MTRR: variants seen among roughly 807,000 people sequenced by gnomAD.
MTRR encodes the protein methionine synthase reductase.
A neutral mutation model predicts 79.2 loss-of-function variants in MTRR; 63 were observed. That is an observed-to-expected ratio of 0.80 (90% CI 0.65 to 0.98). The LOEUF is 0.98. MTRR is among the 50% of genes least tolerant of loss of function. The pLI is 0.00. For synonymous variants in MTRR, 355 were observed against 313.3 expected (o/e 1.13, Z -1.41); for missense variants, 895 against 839.6 (o/e 1.07, Z -0.82).
chr5:7,854,566 C>T (rs573253902), intron 1 of MTRR, among the ~76,000 whole-genome samples: 35 of 152,044 alleles, frequency 2.3e-4, no homozygotes, highest in East Asian at 1.9e-4. Flanking sequence ...ATGGTGGCGG[C>T]AAGAGAAAAT....
chr5:7,867,964 A>G, upstream of MTRR: 1 of 1,614,104 alleles, frequency 6.2e-7, no homozygotes, highest in Non-Finnish European at 8.5e-7. Context: ...AAGGGCACAG[A>G]CGCTCCTTGA....
Position 7,875,380 on chromosome 5 carries a change from G to C in MTRR, c.401+5G>C. 2 of 1,596,942 alleles carry C rather than the reference G, an allele frequency of 1.3e-6. No individual in the cohort carries two copies. Among genetic ancestry groups the C allele is most frequent in the Non-Finnish European group, 1.7e-6 (2 of 1,164,326 alleles). On this transcript the variant is annotated splice_donor_5th_base_variant and intron_variant, in intron 4 of 14. Coordinates refer to ENST00000440940, the MANE Select transcript of MTRR (RefSeq NM_002454.3). ...ACATGCAGATGACTGTGTAGGGTAA[G>C]GGCAGTGTTCTCTGTTTACTCCAAT...
At chr5:7,899,337 C>T (rs1433809201) in intron 14 of MTRR, among the ~76,000 whole-genome samples, 2 of 152,190 alleles carry the variant, frequency 1.3e-5, no homozygotes, top group Non-Finnish European at 2.9e-5. Flanking sequence ...TATAAACAGA[C>T]GTTTCTAACG....
At position 7,878,055 on chromosome 5, in the gene MTRR, A is replaced by G. The variant is rs1288734555; in HGVS notation, c.513A>G (p.Ser171=). The G allele has an allele frequency of 6.2e-7, 1 of 1,613,912 alleles. No individual in the cohort carries two copies. Among genetic ancestry groups the G allele is most frequent in the Non-Finnish European group, 8.5e-7 (1 of 1,179,994 alleles). ...TAAGTGGCGCACTCCCGGTGGCATC[A>G]CCTGCATCCTCGAGGACAGACCTTG... ...EEISGALPVA[S]PASSRTDLVK... The change falls in exon 5 of 15, where the codon TCA becomes TCG. Residue 171 remains serine (S), a synonymous_variant. Coordinates refer to ENST00000440940, the MANE Select transcript of MTRR (RefSeq NM_002454.3).
upstream of MTRR, chr5:7,865,866 G>A (rs375558531): frequency 1.4e-5 from 21 of 1,524,294 alleles, no homozygotes; most frequent in East Asian, 3.2e-4. Context: ...CACCCATGGG[G>A]AAATAAAGCC....
chr5:7,853,143 C>T (rs1746124444), intron 1 of MTRR, among the ~76,000 whole-genome samples: 1 of 152,154 alleles, frequency 6.6e-6, no homozygotes, highest in Non-Finnish European at 1.5e-5. Flanking sequence ...CCCATAATCC[C>T]CACATGTCAA....
Position 7,899,992 on chromosome 5 carries a change from A to G in MTRR, c.2031A>G (p.Leu677=), listed in dbSNP as rs367590648. 78 of 1,614,074 alleles carry G rather than the reference A, an allele frequency of 4.8e-5. No individual in the cohort carries two copies. Among genetic ancestry groups the G allele is most frequent in the Non-Finnish European group, 6.2e-5 (73 of 1,180,038 alleles). Residue 677 remains leucine (L), a synonymous_variant, in exon 15 of 15, where the codon CTA becomes CTG. Transcript: ENST00000440940. ...IISKEVGVEK[L]EAMKTLATLK... ...GCAAAGAGGTTGGAGTTGAAAAACT[A>G]GAAGCAATGAAAACCCTGGCCACTT...
chr5:7,899,951 C>T lies in MTRR; in HGVS notation c.1990C>T (p.Leu664Phe). ...KNMAKDVHDA[L>F]VQIISKEVGV... ...TATGGCCAAGGATGTACATGATGCCCTTGTGCAAATAATAAGCAAAGAGGT... is the reference window on the plus strand; with the variant it reads ...TATGGCCAAGGATGTACATGATGCCTTTGTGCAAATAATAAGCAAAGAGGT... Residue 664 changes from leucine to phenylalanine, a missense_variant, in exon 15 of 15, where the codon CTT (leucine) becomes TTT (phenylalanine). By Grantham distance (22) the Leu-to-Phe change is conservative. Coordinates refer to ENST00000440940, the MANE Select transcript of MTRR (RefSeq NM_002454.3). The T allele has an allele frequency of 6.2e-7, 1 of 1,614,090 alleles. No individual in the cohort carries two copies. Among genetic ancestry groups the T allele is most frequent in the Middle Eastern group, 1.7e-4 (1 of 6,060 alleles).
At chr5:7,866,071 A>C, upstream of MTRR, 1 of 944,838 alleles carries the variant, frequency 1.1e-6, no homozygotes, top group Non-Finnish European at 1.7e-6. Context: ...CAATTTACAC[A>C]CTCCAGACAG....
intron 4 of MTRR, 73 bp downstream of exon 4, chr5:7,875,448 A>G (rs2126676670): frequency 7.9e-7 from 1 of 1,271,500 alleles, no homozygotes; most frequent in Non-Finnish European, 1.2e-6. Flanking sequence ...AAAACATGTC[A>G]GCTTTTCACT....
At chr5:7,899,534 T>C (rs1216416043) in intron 14 of MTRR, among the ~76,000 whole-genome samples, 1 of 152,190 alleles carries the variant, frequency 6.6e-6, no homozygotes, top group Non-Finnish European at 1.5e-5. Context: ...TCTGGTTCCC[T>C]TCAGGAGCAC....
At position 7,900,152 on chromosome 5, in the gene MTRR, AATTT is replaced by A; in HGVS notation, c.*95_*98del. On this transcript the variant is annotated 3_prime_UTR_variant, in exon 15 of 15. Coordinates refer to ENST00000440940, the MANE Select transcript of MTRR (RefSeq NM_002454.3). Reference sequence around the variant, plus strand: ...CCAAACCTTTAAATTTTCAAAAGAAAATTTTCTTTCAACATTTCTTGAAGGACAT... The same window carrying A: ...CCAAACCTTTAAATTTTCAAAAGAAATCTTTCAACATTTCTTGAAGGACAT... 1 of 1,463,356 alleles carries A rather than the reference AATTT, an allele frequency of 6.8e-7. No homozygotes were observed. Among genetic ancestry groups the A allele is most frequent in the Non-Finnish European group, 9.3e-7 (1 of 1,072,606 alleles). The allele number at this position is 1,463,356 out of a possible 1,614,324, so 90.6% of individuals were successfully genotyped here. A position where few individuals can be genotyped will look rare whatever the true frequency, so the allele number is the denominator to read the frequency against.
chr5:7,883,116 G>C (rs1440025726), intron 5 of MTRR, 39 bp from the exon 6 acceptor site: 5 of 1,613,676 alleles, frequency 3.1e-6, no homozygotes, highest in Admixed American at 3.3e-5. Flanking sequence ...GGGTATAATT[G>C]AAAATTGCAC....
At chr5:7,868,775 G>A (rs1030533880), upstream of MTRR, among the ~76,000 whole-genome samples, 1 of 149,930 alleles carries the variant, frequency 6.7e-6, no homozygotes, top group African/African-American at 2.5e-5. Flanking sequence ...TTGGCAACAC[G>A]TGTGTGCAAG....
chr5:7,867,837 G>A (rs1025134782), upstream of MTRR: 26 of 1,614,004 alleles, frequency 1.6e-5, no homozygotes, highest in Non-Finnish European at 2.1e-5. Flanking sequence ...TCAGATACTT[G>A]AGAGAACACT....
intron 6 of MTRR, among the ~76,000 whole-genome samples, chr5:7,884,844 C>T (rs927835821): frequency 1.1e-4 from 16 of 152,160 alleles, no homozygotes; most frequent in Non-Finnish European, 2.4e-4. Flanking sequence ...CACATTAAGG[C>T]TGTTGGTGTA....
At chr5:7,867,598 T>A (rs1229723550), upstream of MTRR, 1 of 1,614,150 alleles carries the variant, frequency 6.2e-7, no homozygotes, top group Non-Finnish European at 8.5e-7. Context: ...ACTGAAAGCA[T>A]AAAGCTTGAA....
At position 7,873,539 on chromosome 5, in the gene MTRR, C is replaced by G. The variant is rs368391537; in HGVS notation, c.283+13C>G. 1.9e-4 allele frequency: 309 copies of G among 1,613,324 alleles called. No homozygotes were observed. Among genetic ancestry groups the G allele is most frequent in the Non-Finnish European group, 2.6e-4 (301 of 1,179,428 alleles). On this transcript the variant is annotated intron_variant, in intron 3 of 14. Coordinates refer to ENST00000440940, the MANE Select transcript of MTRR (RefSeq NM_002454.3). ...TATGGGTTACTGGGTAATGGACTCTCTCTTCTGATCTTACTATAGTATACT... is the reference window on the plus strand; with the variant it reads ...TATGGGTTACTGGGTAATGGACTCTGTCTTCTGATCTTACTATAGTATACT...
chr5:7,874,668 G>T (rs1344388462), intron 3 of MTRR, among the ~76,000 whole-genome samples: 1 of 137,866 alleles, frequency 7.3e-6, no homozygotes, highest in African/African-American at 2.7e-5. Flanking sequence ...ATACCACATT[G>T]TTAATTGTGG....
Sources: allele counts gnomAD v4.1 joint callset (sites outside exome capture counted in the v4.1 genomes callset), GRCh38; gene constraint gnomAD v4.1.1; transcripts MANE v1.5; gene names NCBI Gene and HGNC (gene_info 2026-07-23, HGNC 2026-07-21).